The following SAMTOR variants were observed in gnomAD, a reference collection of about 807,000 sequenced individuals.
SAMTOR encodes S-adenosylmethionine sensor upstream of mTORC1.
chr7:112,924,120 C>T, the SAMTOR span, among the ~76,000 whole-genome samples: 1 of 151,586 alleles, frequency 6.6e-6, no homozygotes, highest in Non-Finnish European at 1.5e-5. Flanking sequence ...GTGCAGCACA[C>T]CAGCATGGCA....
chr7:112,916,320 G>A, the SAMTOR span, among the ~76,000 whole-genome samples: 1 of 152,182 alleles, frequency 6.6e-6, no homozygotes, highest in African/African-American at 2.4e-5. Context: ...CAACTGTAAT[G>A]GTAATAGAGT....
the SAMTOR span, among the ~76,000 whole-genome samples, chr7:112,887,738 T>C: frequency 2.0e-5 from 3 of 152,200 alleles, no homozygotes; most frequent in African/African-American, 7.2e-5. Context: ...GTAGAATTGT[T>C]CATAATATTC....
chr7:112,849,833 T>A, the SAMTOR span, among the ~76,000 whole-genome samples: 1 of 152,228 alleles, frequency 6.6e-6, no homozygotes, highest in Non-Finnish European at 1.5e-5. Context: ...AAATGCTTTT[T>A]CTGTGTCTAT....
chr7:112,918,553 A>C, the SAMTOR span, among the ~76,000 whole-genome samples: 30 of 152,326 alleles, frequency 2.0e-4, no homozygotes, highest in African/African-American at 6.0e-4. Context: ...CGAGCAAAAT[A>C]ACCAGCTAAC....
At chr7:112,873,510 AC>A in the SAMTOR span, among the ~76,000 whole-genome samples, 1 of 152,188 alleles carries the variant, frequency 6.6e-6, no homozygotes, top group Non-Finnish European at 1.5e-5. Context: ...CTGGCTACCC[AC>A]ATGCAGAAGA....
the SAMTOR span, among the ~76,000 whole-genome samples, chr7:112,846,110 G>A: frequency 6.7e-5 from 10 of 148,716 alleles, no homozygotes; most frequent in Non-Finnish European, 1.3e-4. Flanking sequence ...TTGGGTACTA[G>A]GTTTAGCACC....
At chr7:112,864,182 G>A in the SAMTOR span, among the ~76,000 whole-genome samples, 1 of 152,112 alleles carries the variant, frequency 6.6e-6, no homozygotes, top group Non-Finnish European at 1.5e-5. Flanking sequence ...CTTATAGGTG[G>A]GAGCTAAATG....
chr7:112,936,903 C>T, the SAMTOR span, among the ~76,000 whole-genome samples: 223 of 152,268 alleles, frequency 1.5e-3, no homozygotes, highest in Middle Eastern at 0.014. Context: ...CTCATTTTCC[C>T]TCCTATTCTA....
At chr7:112,832,059 T>C in the SAMTOR span, among the ~76,000 whole-genome samples, 1 of 151,686 alleles carries the variant, frequency 6.6e-6, no homozygotes, top group Non-Finnish European at 1.5e-5. Flanking sequence ...TCACCCAGGC[T>C]GGAGTGCAGT....
At chr7:112,832,665 C>T in the SAMTOR span, 1 of 1,591,876 alleles carries the variant, frequency 6.3e-7, no homozygotes, top group Non-Finnish European at 8.6e-7. Flanking sequence ...TTTCCTGAGG[C>T]TTGTAGCAAC....
At chr7:112,873,587 T>C in the SAMTOR span, among the ~76,000 whole-genome samples, 1 of 152,134 alleles carries the variant, frequency 6.6e-6, no homozygotes, top group Admixed American at 6.5e-5. Flanking sequence ...AAGGCTTACG[T>C]GAAGACCACA....
the SAMTOR span, among the ~76,000 whole-genome samples, chr7:112,871,453 C>A: frequency 3.9e-5 from 6 of 151,984 alleles, no homozygotes; most frequent in Non-Finnish European, 7.4e-5. Context: ...AGGCATAAAT[C>A]AAAAACTATT....
At chr7:112,822,685 G>C in the SAMTOR span, among the ~76,000 whole-genome samples, 3 of 151,954 alleles carry the variant, frequency 2.0e-5, no homozygotes, top group Non-Finnish European at 4.4e-5. Flanking sequence ...GGAGTTTACA[G>C]GAATGACATT....
the SAMTOR span, among the ~76,000 whole-genome samples, chr7:112,934,223 GGT>G: frequency 1.8e-4 from 28 of 152,178 alleles, no homozygotes; most frequent in African/African-American, 6.7e-4. Context: ...TCTAACTACT[GGT>G]GTGTTCCAAG....
chr7:112,838,277 T>A, the SAMTOR span, among the ~76,000 whole-genome samples: 1 of 151,914 alleles, frequency 6.6e-6, no homozygotes, highest in East Asian at 1.9e-4. Context: ...GAGAATCGAC[T>A]GTGTGTAGGT....
the SAMTOR span, among the ~76,000 whole-genome samples, chr7:112,892,497 A>G: frequency 1.1e-3 from 163 of 152,328 alleles, no homozygotes; most frequent in Admixed American, 0.01. Context: ...AGCCAGGCTC[A>G]GTGACTCATG....
At chr7:112,826,443 T>A in the SAMTOR span, among the ~76,000 whole-genome samples, 2 of 152,148 alleles carry the variant, frequency 1.3e-5, no homozygotes, top group African/African-American at 4.8e-5. Flanking sequence ...TCGAATTTAT[T>A]GGCATAAAGT....
chr7:112,915,400 T>C, the SAMTOR span: 1 of 1,613,410 alleles, frequency 6.2e-7, no homozygotes, highest in Admixed American at 1.7e-5. Context: ...TCACAAAGAG[T>C]TTCTTCATCC....
chr7:112,821,703 A>G, the SAMTOR span: 1 of 1,521,248 alleles, frequency 6.6e-7, no homozygotes, highest in Non-Finnish European at 8.8e-7. Context: ...GTAAGCAATT[A>G]GTTTAGGAGC....
Sources: allele counts gnomAD v4.1 joint callset (sites outside exome capture counted in the v4.1 genomes callset), GRCh38; gene constraint gnomAD v4.1.1; transcripts MANE v1.5; gene names NCBI Gene and HGNC (gene_info 2026-07-23, HGNC 2026-07-21).